Variants in BTBD1 observed in about 807,000 individuals in gnomAD.
The protein encoded by BTBD1 is BTB domain containing 1, also known as BTB/POZ domain-containing protein 1.
BTBD1 carries 34 observed loss-of-function variants against 48.0 expected under a neutral mutation model. The observed-to-expected ratio is 0.71, with a 90% CI of 0.54 to 0.94. The LOEUF (loss-of-function observed/expected upper bound fraction) is 0.94, where lower values mean the gene tolerates loss of function less well. Ranked by LOEUF, BTBD1 falls within the 40% of genes least tolerant of loss-of-function variation. BTBD1 has a pLI of 0.00. For missense variants in BTBD1, 543 were observed against 625.6 expected, an observed-to-expected ratio of 0.87 and a Z score of 1.41; for synonymous variants, 261 against 242.1, an observed-to-expected ratio of 1.08 and a Z score of -0.72.
At chr15:83,040,355 A>G (rs1051455803) in intron 4 of BTBD1, among the ~76,000 whole-genome samples, 2 of 152,184 alleles carry the variant, frequency 1.3e-5, no homozygotes, top group Non-Finnish European at 2.9e-5. Flanking sequence ...TATACACATG[A>G]AACAAATCTG....
In BTBD1 at chr15:83,043,292, C is replaced by T. The variant is rs117317772; in HGVS notation, c.665-1367G>A. Among the ~76,000 whole-genome samples, 222 of 152,268 alleles carry T rather than the reference C, an allele frequency of 1.5e-3. 4 individuals are homozygous for T. In the East Asian group the frequency reaches 0.039, roughly 27 times the overall value. On this transcript the variant is annotated intron_variant, in intron 3 of 7. Coordinates refer to ENST00000261721, the MANE Select transcript of BTBD1 (RefSeq NM_025238.4). ...CAAAGGCTCTCATATTAAAGTGTGC[C>T]TGGCATATCTGAGGAATGGTAAGGA...
intron 6 of BTBD1, 73 bp from the exon 7 acceptor site, chr15:83,018,926 C>T (rs2032228292): frequency 2.7e-6 from 3 of 1,120,432 alleles, no homozygotes; most frequent in Non-Finnish European, 2.4e-6. Flanking sequence ...AATATAAAGC[C>T]CTTAGCAATG....
At chr15:83,030,969 C>G (rs911842669) in intron 4 of BTBD1, among the ~76,000 whole-genome samples, 1 of 152,082 alleles carries the variant, frequency 6.6e-6, no homozygotes, top group Non-Finnish European at 1.5e-5. Context: ...AGAGACAATT[C>G]TCAAAGGAAG....
chr15:83,045,624 C>T (rs1002235152), intron 3 of BTBD1, among the ~76,000 whole-genome samples: 18 of 152,118 alleles, frequency 1.2e-4, no homozygotes, highest in African/African-American at 4.1e-4. Flanking sequence ...CCCAAGAACA[C>T]AGGAGAGGCT....
chr15:83,066,129 C>T (rs1048794292), intron 1 of BTBD1, among the ~76,000 whole-genome samples: 4 of 151,690 alleles, frequency 2.6e-5, no homozygotes, highest in Admixed American at 1.3e-4. Flanking sequence ...CTCTCTCTAC[C>T]AAAAATAAAA....
chr15:83,025,103 A>T (rs1239844684), intron 5 of BTBD1, among the ~76,000 whole-genome samples: 1 of 152,120 alleles, frequency 6.6e-6, no homozygotes, highest in Admixed American at 6.6e-5. Flanking sequence ...CTGTAATCCC[A>T]GTACTTTGAG....
intron 1 of BTBD1, among the ~76,000 whole-genome samples, chr15:83,060,460 CA>C (rs10706509): frequency 0.32 from 36,077 of 111,136 alleles, 4,446 homozygotes; most frequent in East Asian, 0.58. Context: ...TAATAATTTT[CA>C]AAAAAAAAAA....
chr15:83,034,335 A>G (rs190214293), intron 4 of BTBD1, among the ~76,000 whole-genome samples: 74 of 152,296 alleles, frequency 4.9e-4, no homozygotes, highest in African/African-American at 1.5e-3. Flanking sequence ...TAAAACAAGA[A>G]GTTTAGGCCA....
In BTBD1 at chr15:83,016,444, T is replaced by TA. The variant is rs1181194757; in HGVS notation, c.*1622_*1623insT. 1 of 151,302 alleles carries TA rather than the reference T, an allele frequency of 6.6e-6. No individual in the cohort carries two copies. Among genetic ancestry groups the TA allele is most frequent in the African/African-American group, 2.4e-5 (1 of 41,276 alleles). 9.4% of individuals were successfully genotyped at this position (151,302 alleles called of 1,614,324 possible). A position where few individuals can be genotyped will look rare whatever the true frequency, so the allele number is the denominator to read the frequency against. Reference sequence around the variant, plus strand: ...AGAGTTTTTTTTATATATATATATATTTATTTATTTTTAAAAACTCCAGGG... The same window carrying TA: ...AGAGTTTTTTTTATATATATATATATATTATTTATTTTTAAAAACTCCAGGG... On this transcript the variant is annotated 3_prime_UTR_variant, in exon 8 of 8. Transcript: ENST00000261721.
intron 1 of BTBD1, among the ~76,000 whole-genome samples, chr15:83,060,953 C>T (rs749485779): frequency 6.6e-6 from 1 of 152,162 alleles, no homozygotes; most frequent in Admixed American, 6.5e-5. Context: ...ATAGCAGGCA[C>T]TGTAATAGTG....
chr15:83,034,090 C>CAAAAAAAAAAAAAA (rs748026027), intron 4 of BTBD1, among the ~76,000 whole-genome samples: 1 of 67,186 alleles, frequency 1.5e-5, no homozygotes, highest in African/African-American at 5.5e-5. Flanking sequence ...CTGTCTACAC[C>CAAAAAAAAAAAAAA]AAAAAAAAAA....
rs753828603 is a variant in BTBD1 at position 83,067,200 on chromosome 15, C to T, written c.-49G>A. Reference sequence around the variant, plus strand: ...GTTATGGACAAAACTCCGCCGCCATCGCCCAGGCCGCCTCCGGAGGCCGGC... The same window carrying T: ...GTTATGGACAAAACTCCGCCGCCATTGCCCAGGCCGCCTCCGGAGGCCGGC... On this transcript the variant is annotated 5_prime_UTR_variant, in exon 1 of 8. Coordinates refer to ENST00000261721, the MANE Select transcript of BTBD1 (RefSeq NM_025238.4). 1.8e-5 allele frequency: 24 copies of T among 1,345,362 alleles called. No homozygotes were observed. The highest frequency in any genetic ancestry group is 2.2e-5 in the Non-Finnish European group (23 of 1,050,088). The allele number at this position is 1,345,362 out of a possible 1,614,324, so 83.3% of individuals were successfully genotyped here.
intron 6 of BTBD1, among the ~76,000 whole-genome samples, chr15:83,019,081 A>T (rs1270874427): frequency 6.6e-6 from 1 of 151,234 alleles, no homozygotes; most frequent in African/African-American, 2.4e-5. Flanking sequence ...TTTTTGAGAC[A>T]GACTCTCTCA....
intron 1 of BTBD1, among the ~76,000 whole-genome samples, chr15:83,059,506 T>C (rs1489927364): frequency 6.6e-6 from 1 of 152,146 alleles, no homozygotes; most frequent in Non-Finnish European, 1.5e-5. Context: ...GATCACGCCA[T>C]TGTACTCCAG....
chr15:83,044,220 T>C (rs1290301089), intron 3 of BTBD1: 6 of 588,466 alleles, frequency 1.0e-5, no homozygotes, highest in Non-Finnish European at 1.8e-5. Flanking sequence ...GAATCCTAAA[T>C]TATATCCAGT....
At chr15:83,035,844 A>C (rs550525081) in intron 4 of BTBD1, among the ~76,000 whole-genome samples, 1 of 151,994 alleles carries the variant, frequency 6.6e-6, no homozygotes, top group Non-Finnish European at 1.5e-5. Flanking sequence ...AAAAAAGGAA[A>C]TATTTCTAAC....
intron 2 of BTBD1, among the ~76,000 whole-genome samples, chr15:83,053,488 A>G (rs1475238827): frequency 6.6e-6 from 1 of 152,156 alleles, no homozygotes; most frequent in Non-Finnish European, 1.5e-5. Context: ...GCCTGTTAGA[A>G]ATGTACTCTG....
intron 4 of BTBD1, 109 bp from the exon 5 acceptor site, chr15:83,030,437 G>A (rs2151302587): frequency 8.1e-6 from 7 of 866,428 alleles, no homozygotes; most frequent in South Asian, 3.6e-5. Context: ...TAAAAATAGG[G>A]GAAAAAAATC....
intron 5 of BTBD1, among the ~76,000 whole-genome samples, chr15:83,029,139 CTACAAG>C (rs1437918845): frequency 6.6e-6 from 1 of 152,138 alleles, no homozygotes; most frequent in African/African-American, 2.4e-5. Flanking sequence ...ATTAAATAGT[CTACAAG>C]TACATTTTTA....
Sources: allele counts gnomAD v4.1 joint callset (sites outside exome capture counted in the v4.1 genomes callset), GRCh38; gene constraint gnomAD v4.1.1; transcripts MANE v1.5; gene names NCBI Gene and HGNC (gene_info 2026-07-23, HGNC 2026-07-21).